The following SND1 variants were observed in gnomAD, a reference collection of about 807,000 sequenced individuals.
The protein encoded by SND1 is staphylococcal nuclease and tudor domain containing 1, also known as staphylococcal nuclease domain-containing protein 1.
In SND1, 38 loss-of-function variants were observed where a neutral mutation model predicts 121.7. That is an observed-to-expected ratio of 0.31 (90% CI 0.24 to 0.41). The LOEUF is 0.41. Among genes scored for constraint, SND1 ranks in the 10% least tolerant of loss-of-function variants. The pLI is 1.00. For synonymous variants in SND1, 401 were observed against 447.4 expected, an observed-to-expected ratio of 0.90 and a Z score of 1.31; for missense variants, 868 against 1,184.6, an observed-to-expected ratio of 0.73 and a Z score of 3.92.
At chr7:127,887,527 T>C (rs1799934915) in intron 12 of SND1, among the ~76,000 whole-genome samples, 1 of 152,166 alleles carries the variant, frequency 6.6e-6, no homozygotes, top group Non-Finnish European at 1.5e-5. Context: ...TGCTTTTATA[T>C]GTTCCATTTT....
At chr7:127,991,226 G>A (rs555723781) in intron 16 of SND1, among the ~76,000 whole-genome samples, 170 bp downstream of exon 16, 1 of 152,242 alleles carries the variant, frequency 6.6e-6, no homozygotes, top group Non-Finnish European at 1.5e-5. Context: ...CTGCTTCATT[G>A]GCCAGCCACC....
intron 10 of SND1, among the ~76,000 whole-genome samples, chr7:127,803,906 G>T (rs1008214377): frequency 5.3e-5 from 8 of 152,132 alleles, no homozygotes; most frequent in Non-Finnish European, 8.8e-5. Context: ...GTCATTGCAG[G>T]GCCTACATGC....
chr7:128,038,282 G>T (rs1057075479), intron 16 of SND1, among the ~76,000 whole-genome samples: 15 of 152,340 alleles, frequency 9.8e-5, no homozygotes, highest in Non-Finnish European at 1.9e-4. Context: ...GTGGATGCTA[G>T]TGGGCATTAT....
chr7:127,881,710 A>G (rs919291169), intron 12 of SND1, among the ~76,000 whole-genome samples: 1 of 152,124 alleles, frequency 6.6e-6, no homozygotes, highest in Non-Finnish European at 1.5e-5. Context: ...ATGGAAAGTT[A>G]GCGGTGGTTG....
intron 1 of SND1, 25 bp downstream of exon 1, chr7:127,652,476 C>A (rs760975666): frequency 2.3e-5 from 35 of 1,543,334 alleles, no homozygotes; most frequent in Non-Finnish European, 8.8e-6. Flanking sequence ...CGGACACCGA[C>A]CCCTCTGCCT....
intron 17 of SND1, among the ~76,000 whole-genome samples, chr7:128,075,741 G>A (rs1017720036): frequency 6.6e-6 from 1 of 152,220 alleles, no homozygotes; most frequent in Admixed American, 6.5e-5. Context: ...GACGGTCAGT[G>A]CCCTGCAGGA....
At chr7:127,991,623 T>C (rs1476009575) in intron 16 of SND1, among the ~76,000 whole-genome samples, 1 of 152,126 alleles carries the variant, frequency 6.6e-6, no homozygotes, top group Non-Finnish European at 1.5e-5. Flanking sequence ...ATGCCAGCCA[T>C]TTGTCCTGCT....
intron 10 of SND1, among the ~76,000 whole-genome samples, chr7:127,801,720 C>T (rs557559298): frequency 1.5e-3 from 231 of 152,316 alleles, no homozygotes; most frequent in Non-Finnish European, 2.4e-3. Context: ...GGAAGGTGCA[C>T]GCCACCATAG....
chr7:127,874,354 A>G (rs1027232003), intron 12 of SND1, among the ~76,000 whole-genome samples: 6 of 152,322 alleles, frequency 3.9e-5, no homozygotes, highest in South Asian at 2.1e-4. Context: ...TTTCAAACAC[A>G]TATTGAAAGA....
chr7:128,091,644 G>A (rs574545049), intron 22 of SND1, among the ~76,000 whole-genome samples, 193 bp from the exon 23 acceptor site: 5 of 152,264 alleles, frequency 3.3e-5, no homozygotes, highest in African/African-American at 1.2e-4. Flanking sequence ...AAGAGCTAGT[G>A]CGAAGAGTTA....
chr7:127,998,372 G>C (rs2116928091), intron 16 of SND1: 1 of 174,292 alleles, frequency 5.7e-6, no homozygotes, highest in East Asian at 1.4e-4. Context: ...TGTCTCTCCA[G>C]CCAGTATATT....
At chr7:128,018,846 G>C (rs1803285570) in intron 16 of SND1, among the ~76,000 whole-genome samples, 1 of 152,190 alleles carries the variant, frequency 6.6e-6, no homozygotes, top group Non-Finnish European at 1.5e-5. Context: ...GACAGAATAA[G>C]AGAACCCTCT....
chr7:127,677,908 A>C (rs1368731662), intron 1 of SND1, among the ~76,000 whole-genome samples: 3 of 152,130 alleles, frequency 2.0e-5, no homozygotes, highest in Non-Finnish European at 4.4e-5. Flanking sequence ...TCTTCTTTGC[A>C]TCTACTTTTT....
At chr7:127,823,153 G>A (rs73232930) in intron 11 of SND1, among the ~76,000 whole-genome samples, 1 of 152,318 alleles carries the variant, frequency 6.6e-6, no homozygotes, top group Non-Finnish European at 1.5e-5. Flanking sequence ...GAGCAGTGTG[G>A]TTGGGGGAGA....
intron 10 of SND1, among the ~76,000 whole-genome samples, chr7:127,727,585 G>A (rs1346868435): frequency 6.6e-6 from 1 of 152,106 alleles, no homozygotes; most frequent in Non-Finnish European, 1.5e-5. Flanking sequence ...GTTACTGGGA[G>A]CATAAGGCAA....
intron 10 of SND1, among the ~76,000 whole-genome samples, chr7:127,738,791 G>A (rs1485914827): frequency 6.6e-6 from 1 of 152,126 alleles, no homozygotes; most frequent in Non-Finnish European, 1.5e-5. Flanking sequence ...TAAGAGCTAA[G>A]TTACCAGTTT....
intron 12 of SND1, among the ~76,000 whole-genome samples, chr7:127,871,243 G>T (rs1164843748): frequency 6.6e-6 from 1 of 152,116 alleles, no homozygotes; most frequent in Non-Finnish European, 1.5e-5. Flanking sequence ...TAAGTGGAAG[G>T]CATGCACTCT....
chr7:127,862,466 C>G (rs372057474), intron 12 of SND1, among the ~76,000 whole-genome samples: 1 of 152,170 alleles, frequency 6.6e-6, no homozygotes, highest in African/African-American at 2.4e-5. Context: ...GCTGTGATAG[C>G]CATCCAACCA....
intron 16 of SND1, among the ~76,000 whole-genome samples, chr7:128,060,161 A>G (rs1171284023): frequency 6.6e-6 from 1 of 151,856 alleles, no homozygotes; most frequent in East Asian, 1.9e-4. Flanking sequence ...ATGGCTTAGC[A>G]CTCCTTTACT....
Sources: allele counts gnomAD v4.1 joint callset (sites outside exome capture counted in the v4.1 genomes callset), GRCh38; gene constraint gnomAD v4.1.1; transcripts MANE v1.5; gene names NCBI Gene and HGNC (gene_info 2026-07-23, HGNC 2026-07-21).